Variants in FBXO47 observed in about 807,000 individuals in gnomAD.
FBXO47 encodes F-box protein 47.
A neutral mutation model predicts 53.9 loss-of-function variants in FBXO47; 34 were observed. That is an observed-to-expected ratio of 0.63 (90% confidence interval 0.48 to 0.84). FBXO47 has a LOEUF of 0.84. Ranked by LOEUF, FBXO47 falls within the 40% of genes least tolerant of loss-of-function variation. The pLI is 0.00. For missense variants in FBXO47, 485 were observed against 541.3 expected (o/e 0.90, Z 1.03); for synonymous variants, 165 against 181.6 (o/e 0.91, Z 0.73).
At chr17:38,966,513 GT>G (rs991643814) in intron 1 of FBXO47, among the ~76,000 whole-genome samples, 3 of 152,140 alleles carry the variant, frequency 2.0e-5, no homozygotes, top group African/African-American at 7.2e-5. Context: ...CACAGTAGGT[GT>G]TTTAAAGCAT....
At chr17:38,965,050 A>C (rs1425706392) in intron 1 of FBXO47, among the ~76,000 whole-genome samples, 2 of 152,042 alleles carry the variant, frequency 1.3e-5, no homozygotes, top group African/African-American at 2.4e-5. Context: ...GGGTTTCACC[A>C]TGTTGGTCAG....
chr17:38,946,367 TAG>T lies in FBXO47; in HGVS notation c.617-1233_617-1232del, dbSNP rs1333027620. Among the ~76,000 whole-genome samples, 72 of 91,704 alleles carry T rather than the reference TAG, an allele frequency of 7.9e-4. 9 individuals are homozygous for T. The highest frequency in any genetic ancestry group is 3.0e-3 in the African/African-American group (61 of 20,314). The allele number at this position is 91,704 out of a possible 152,430, so 60.2% of individuals were successfully genotyped here. A position where few individuals can be genotyped will look rare whatever the true frequency, so the allele number is the denominator to read the frequency against. ...AAATATATAAATATATATAAATATA[TAG>T]ATATATATATAAATATATATATCTA... On this transcript the variant is annotated intron_variant, in intron 6 of 10. Transcript: ENST00000378079.
At position 38,943,720 on chromosome 17, in the gene FBXO47, C is replaced by G; in HGVS notation, c.810G>C (p.Gln270His). 1 of 1,606,892 alleles carries G rather than the reference C, an allele frequency of 6.2e-7. No homozygotes were observed. ...CATCTGTAGGTTCTTCTATCATTTC[C>G]TGCCAAACCACCTGTCCTGAATTGA... is the stretch of plus-strand genomic sequence containing the variant. ...ISPQDGQVVW[Q>H]EMIEEPTDEF... The change falls in exon 8 of 11, where the codon CAG becomes CAC. Residue 270 changes from glutamine to histidine, a missense_variant. Gln to His is a conservative substitution (Grantham distance 24). Transcript: ENST00000378079.
At position 38,954,837 on chromosome 17, in the gene FBXO47, C is replaced by T; in HGVS notation, c.507+19G>A. 2 of 1,521,828 alleles carry T rather than the reference C, an allele frequency of 1.3e-6. No homozygotes were observed. Among genetic ancestry groups the T allele is most frequent in the Non-Finnish European group, 1.8e-6 (2 of 1,104,446 alleles). The allele number at this position is 1,521,828 out of a possible 1,614,324, so 94.3% of individuals were successfully genotyped here. ...GTTCCAAAGGTATCCCTTTTCTTCT[C>T]TGATTAAAAAAAATGTACCTGTAAA... On this transcript the variant is annotated intron_variant, in intron 5 of 10. Transcript: ENST00000378079.
At chr17:38,947,889 C>T (rs895899890) in intron 6 of FBXO47, among the ~76,000 whole-genome samples, 4 of 151,756 alleles carry the variant, frequency 2.6e-5, no homozygotes, top group Non-Finnish European at 4.4e-5. Context: ...CTAGCCTGGG[C>T]GACAGAGCCA....
intron 7 of FBXO47, 73 bp from the exon 8 acceptor site, chr17:38,943,809 T>A (rs1904616565): frequency 7.6e-7 from 1 of 1,317,356 alleles, no homozygotes; most frequent in South Asian, 1.4e-5. Context: ...AAAAGGAAAG[T>A]GAATTGCACA....
chr17:38,957,055 A>C lies in FBXO47; in HGVS notation c.429+122T>G, dbSNP rs113544808. 483 of 597,206 alleles carry C rather than the reference A, an allele frequency of 8.1e-4. 4 individuals carry two copies. The highest frequency in any genetic ancestry group is 7.7e-3 in the African/African-American group (419 of 54,228). 37.0% of individuals were successfully genotyped at this position (597,206 alleles called of 1,614,324 possible). ...TTGGTAAAGTATTAGATTATAATAA[A>C]TCAATTTTTTAGTGCTAATTCATGA... is the stretch of plus-strand genomic sequence containing the variant. On this transcript the variant is annotated intron_variant, in intron 4 of 10. Transcript: ENST00000378079.
rs866625205 is a variant in FBXO47 at position 38,954,941 on chromosome 17, G to C, written c.430-8C>G. 6.3e-7 allele frequency: 1 copy of C among 1,597,566 alleles called. No homozygotes were observed. Reference sequence around the variant, plus strand: ...GAATTTAAAGCAGGAAACCTGTAAAGAAAACAATGTTAATACCTCCTTGTC... The same window carrying C: ...GAATTTAAAGCAGGAAACCTGTAAACAAAACAATGTTAATACCTCCTTGTC... On this transcript the variant is annotated splice_region_variant and splice_polypyrimidine_tract_variant and intron_variant, in intron 4 of 10. Coordinates refer to ENST00000378079, the MANE Select transcript of FBXO47 (RefSeq NM_001008777.3).
At chr17:38,958,359 C>T (rs1429551756) in intron 3 of FBXO47, among the ~76,000 whole-genome samples, 5 of 150,780 alleles carry the variant, frequency 3.3e-5, no homozygotes, top group African/African-American at 1.2e-4. Flanking sequence ...TTTTTTTTCC[C>T]CACAGAAAGT....
rs545532582 is a variant in FBXO47, at chr17:38,937,312, G to A, written c.1244-22C>T. On this transcript the variant is annotated intron_variant, in intron 10 of 10. Coordinates refer to ENST00000378079, the MANE Select transcript of FBXO47 (RefSeq NM_001008777.3). ...TCTCCTATATGCCATACATAGTGGG[G>A]AAAAGAAAATGACAGTTAAAATGTT... 1.2e-5 allele frequency: 12 copies of A among 1,018,672 alleles called. 1 individual carries two copies. Among genetic ancestry groups the A allele is most frequent in the South Asian group, 7.9e-5 (5 of 63,320 alleles). 63.1% of individuals were successfully genotyped at this position (1,018,672 alleles called of 1,614,324 possible).
At chr17:38,937,549 G>T (rs562700980) in intron 10 of FBXO47, among the ~76,000 whole-genome samples, 35 of 151,722 alleles carry the variant, frequency 2.3e-4, no homozygotes, top group African/African-American at 8.0e-4. Flanking sequence ...TAGAGATGAG[G>T]TCTCTCCATG....
chr17:38,937,091 G>A lies in FBXO47; in HGVS notation c.*84C>T, dbSNP rs1915597063. 1.9e-6 allele frequency: 1 copy of A among 530,202 alleles called. No homozygotes were observed. The highest frequency in any genetic ancestry group is 3.3e-6 in the Non-Finnish European group (1 of 298,866). 32.8% of individuals were successfully genotyped at this position (530,202 alleles called of 1,614,324 possible). A position where few individuals can be genotyped will look rare whatever the true frequency, so the allele number is the denominator to read the frequency against. ...TTACTTAGATGATAAAAAGTCCCAT[G>A]GATGCTATTTTTTGAGTGAAAAAGT... On this transcript the variant is annotated 3_prime_UTR_variant, in exon 11 of 11. Transcript: ENST00000378079.
intron 6 of FBXO47, among the ~76,000 whole-genome samples, chr17:38,950,577 A>G (rs1905223077): frequency 6.6e-6 from 1 of 151,654 alleles, no homozygotes; most frequent in Admixed American, 6.6e-5. Context: ...TGAGATTACA[A>G]GCATGAGCCA....
At chr17:38,941,188 T>G (rs1434977722) in intron 9 of FBXO47, among the ~76,000 whole-genome samples, 1 of 151,604 alleles carries the variant, frequency 6.6e-6, no homozygotes. Context: ...ATTTATTTTT[T>G]TGAGACAGCA....
intron 3 of FBXO47, among the ~76,000 whole-genome samples, chr17:38,959,314 G>A (rs1400070538): frequency 6.6e-6 from 1 of 151,906 alleles, no homozygotes; most frequent in African/African-American, 2.4e-5. Context: ...CGAGTACGGT[G>A]GCTCACTCCT....
chr17:38,957,695 TTTC>T (rs1280243480), intron 3 of FBXO47, among the ~76,000 whole-genome samples: 2 of 143,430 alleles, frequency 1.4e-5, no homozygotes, highest in African/African-American at 2.5e-5. Flanking sequence ...AAAACTGATT[TTTC>T]TTTTTTTTTT....
rs368583900 is a variant in FBXO47, at chr17:38,939,541, C to T, written c.1084-809G>A. ...AAGCAAGAGAATTCTATGGTATTGT[C>T]GACTTTCCATCTTGAGAATTTTAGG... On this transcript the variant is annotated intron_variant, in intron 9 of 10. Coordinates refer to ENST00000378079, the MANE Select transcript of FBXO47 (RefSeq NM_001008777.3). 1.4e-4 allele frequency among the ~76,000 whole-genome samples: 21 copies of T among 148,270 alleles called. No individual in the cohort carries two copies. In the South Asian group the frequency reaches 4.2e-3, roughly 30 times the overall value.
chr17:38,960,214 G>A (rs116301196), intron 3 of FBXO47, among the ~76,000 whole-genome samples: 1,966 of 151,630 alleles, frequency 0.013, 51 homozygotes, highest in African/African-American at 0.046. Flanking sequence ...CAGGAGGATC[G>A]ATTGTGCCCA....
At chr17:38,948,306 G>A (rs1031959546) in intron 6 of FBXO47, among the ~76,000 whole-genome samples, 4 of 144,090 alleles carry the variant, frequency 2.8e-5, no homozygotes, top group Admixed American at 7.3e-5. Flanking sequence ...TCTGTCTCCC[G>A]AGTTCAAGCG....
Sources: allele counts gnomAD v4.1 joint callset (sites outside exome capture counted in the v4.1 genomes callset), GRCh38; gene constraint gnomAD v4.1.1; transcripts MANE v1.5; gene names NCBI Gene and HGNC (gene_info 2026-07-23, HGNC 2026-07-21).